The following INVS variants were observed in gnomAD, a reference collection of about 807,000 sequenced individuals.
The protein encoded by INVS is inversin, also known as inversion of embryo turning homolog.
In INVS, 86 loss-of-function variants were observed where a neutral mutation model predicts 108.8. That is an observed-to-expected ratio of 0.79 (90% CI 0.66 to 0.95). The LOEUF is 0.95. INVS is among the 40% of genes least tolerant of loss of function. The pLI is 0.00. For missense variants in INVS, 1,169 were observed against 1,297.4 expected (o/e 0.90, Z 1.52); for synonymous variants, 455 against 473.5 (o/e 0.96, Z 0.51).
intron 12 of INVS, among the ~76,000 whole-genome samples, chr9:100,277,179 A>T (rs1481744088): frequency 2.0e-5 from 3 of 152,142 alleles, no homozygotes; most frequent in African/African-American, 7.2e-5. Context: ...GTTCTTTTCT[A>T]CCCTTTGGTC....
At chr9:100,260,186 C>CTTT (rs372496395) in intron 10 of INVS, among the ~76,000 whole-genome samples, 79 of 101,490 alleles carry the variant, frequency 7.8e-4, no homozygotes, top group Non-Finnish European at 1.2e-3. Context: ...ATTTTCTTTT[C>CTTT]TTTTTTTTTT....
At chr9:100,113,972 A>G (rs1326949015) in intron 2 of INVS, among the ~76,000 whole-genome samples, 2 of 152,188 alleles carry the variant, frequency 1.3e-5, no homozygotes, top group East Asian at 3.8e-4. Context: ...TTCAACCCAG[A>G]TGTAATTACC....
chr9:100,228,398 T>C (rs1588105273), intron 4 of INVS, among the ~76,000 whole-genome samples: 1 of 152,234 alleles, frequency 6.6e-6, no homozygotes, highest in South Asian at 2.1e-4. Flanking sequence ...TAATAATTTA[T>C]CCTCTAAAAT....
intron 3 of INVS, among the ~76,000 whole-genome samples, chr9:100,188,191 T>G (rs1207178131): frequency 6.6e-6 from 1 of 152,186 alleles, no homozygotes; most frequent in African/African-American, 2.4e-5. Context: ...CTGATTGCTC[T>G]GGTTAGGACT....
intron 12 of INVS, among the ~76,000 whole-genome samples, chr9:100,280,121 C>G (rs549349995): frequency 2.6e-5 from 4 of 152,242 alleles, no homozygotes; most frequent in African/African-American, 9.6e-5. Flanking sequence ...AATTTTCATC[C>G]AGGCTAGTGA....
chr9:100,249,217 C>G (rs1260533220), intron 8 of INVS, among the ~76,000 whole-genome samples: 1 of 152,040 alleles, frequency 6.6e-6, no homozygotes, highest in African/African-American at 2.4e-5. Flanking sequence ...ATTATCCACT[C>G]GACTGTCTAT....
At chr9:100,227,430 A>G (rs1831364454) in intron 4 of INVS, among the ~76,000 whole-genome samples, 1 of 152,172 alleles carries the variant, frequency 6.6e-6, no homozygotes. Context: ...CACGAGGGCT[A>G]ATATATATTT....
chr9:100,104,374 G>A (rs1442323362), intron 1 of INVS, 124 bp from the exon 2 acceptor site: 2 of 695,812 alleles, frequency 2.9e-6, no homozygotes, highest in Non-Finnish European at 5.2e-6. Flanking sequence ...CAGGACTATA[G>A]ATTTTTCTAA....
intron 2 of INVS, among the ~76,000 whole-genome samples, chr9:100,125,006 A>G (rs1004992086): frequency 6.6e-6 from 1 of 152,242 alleles, no homozygotes; most frequent in Non-Finnish European, 1.5e-5. Context: ...GCTCAGGCCC[A>G]TTTAGAACCA....
intron 12 of INVS, among the ~76,000 whole-genome samples, chr9:100,274,941 A>C (rs1007661845): frequency 2.6e-5 from 4 of 152,230 alleles, no homozygotes; most frequent in African/African-American, 4.8e-5. Context: ...AAAAGTAATA[A>C]TAAGAGGCAA....
Position 100,189,301 on chromosome 9 carries a change from TCTTTA to T in INVS, c.274-36757_274-36753del, listed in dbSNP as rs1830152183. ...GTTTGGGTTTTTGTTTGTTCTTGTT[TCTTTA>T]CTTCCTTGAAGTGTGACAATAGGTT... is the stretch of plus-strand genomic sequence containing the variant. On this transcript the variant is annotated intron_variant, in intron 3 of 16. Transcript: ENST00000262457. 3.3e-5 allele frequency among the ~76,000 whole-genome samples: 5 copies of T among 151,976 alleles called. 1 individual carries two copies. In the South Asian group the frequency reaches 1.0e-3, roughly 32 times the overall value.
At chr9:100,207,862 T>C (rs762704358) in intron 3 of INVS, among the ~76,000 whole-genome samples, 2 of 152,210 alleles carry the variant, frequency 1.3e-5, no homozygotes, top group Non-Finnish European at 2.9e-5. Context: ...TTGAATGTGT[T>C]TCTAAAATTT....
intron 3 of INVS, among the ~76,000 whole-genome samples, chr9:100,176,738 A>T (rs1480719694): frequency 6.6e-6 from 1 of 152,086 alleles, no homozygotes; most frequent in Admixed American, 6.6e-5. Flanking sequence ...AGCCTCCCAA[A>T]GTGCTAGGAT....
At chr9:100,134,056 C>T (rs1378442409) in intron 3 of INVS, among the ~76,000 whole-genome samples, 7 of 151,914 alleles carry the variant, frequency 4.6e-5, no homozygotes, top group Admixed American at 3.9e-4. Context: ...CAGTATATGC[C>T]GCACCATATT....
chr9:100,289,301 C>T (rs960300396), intron 13 of INVS, among the ~76,000 whole-genome samples: 2 of 152,246 alleles, frequency 1.3e-5, no homozygotes, highest in Non-Finnish European at 2.9e-5. Context: ...CTTTTCTGCT[C>T]TTCGAGCCTT....
At chr9:100,284,019 A>G (rs1833355143) in intron 12 of INVS, among the ~76,000 whole-genome samples, 1 of 152,198 alleles carries the variant, frequency 6.6e-6, no homozygotes, top group South Asian at 2.1e-4. Context: ...CTTGGGGCAC[A>G]TACACCGTTG....
chr9:100,276,127 A>G (rs932135704), intron 12 of INVS, among the ~76,000 whole-genome samples: 3 of 152,152 alleles, frequency 2.0e-5, no homozygotes, highest in African/African-American at 7.2e-5. Flanking sequence ...TGCTCATGCT[A>G]TACTTTTTTC....
At chr9:100,291,283 C>CA (rs1180760261) in intron 13 of INVS, among the ~76,000 whole-genome samples, 1 of 152,050 alleles carries the variant, frequency 6.6e-6, no homozygotes, top group Non-Finnish European at 1.5e-5. Flanking sequence ...AGGCTGGTCT[C>CA]AAACTCCTGA....
At position 100,301,760 on chromosome 9, in the gene INVS, C is replaced by CAGAT. The variant is rs564184731; in HGVS notation, c.*1089_*1092dup. Among the ~76,000 whole-genome samples the CAGAT allele has an allele frequency of 4.7e-4, 69 of 147,788 alleles. 1 individual carries two copies. Among genetic ancestry groups the CAGAT allele is most frequent in the African/African-American group, 5.7e-4 (23 of 40,116 alleles). On this transcript the variant is annotated 3_prime_UTR_variant, in exon 17 of 17. Transcript: ENST00000262457. ...TTCTGTGCTAACGGTAAGAGATAGA[C>CAGAT]AGATAGGCAATGAAGTGTTCACTTA...
Sources: gnomAD v4.1 joint callset for allele counts (sites outside exome capture counted in the v4.1 genomes callset) on GRCh38, gnomAD v4.1.1 for gene constraint, MANE v1.5 for transcripts, NCBI Gene and HGNC (gene_info 2026-07-23, HGNC 2026-07-21) for gene names.